Variants in ANKRD26 observed in about 807,000 individuals in gnomAD.
ANKRD26 encodes the protein ankyrin repeat domain-containing protein 26.
In ANKRD26, 141 loss-of-function variants were observed where a neutral mutation model predicts 208.7. That is an observed-to-expected ratio of 0.68 (90% confidence interval 0.59 to 0.78). The LOEUF is 0.78. ANKRD26 is among the 30% of genes least tolerant of loss of function. ANKRD26 has a pLI of 0.00. For synonymous variants in ANKRD26, 636 were observed against 660.4 expected, an observed-to-expected ratio of 0.96 and a Z score of 0.57; for missense variants, 1,889 against 1,938.7, an observed-to-expected ratio of 0.97 and a Z score of 0.48.
chr10:26,988,795 C>T (rs1342712742), downstream of ANKRD26, among the ~76,000 whole-genome samples: 2 of 150,974 alleles, frequency 1.3e-5, no homozygotes, highest in Non-Finnish European at 2.9e-5. Context: ...CCTATAGACC[C>T]AGCATTTGGG....
chr10:26,964,169 A>C, the ANKRD26 span, among the ~76,000 whole-genome samples: 1 of 151,430 alleles, frequency 6.6e-6, no homozygotes, highest in Non-Finnish European at 1.5e-5. Flanking sequence ...TCAACCTCCC[A>C]AAGGGCTGGG....
Position 27,053,320 on chromosome 10 carries a change from C to G in ANKRD26, c.1635G>C (p.Gln545His), listed in dbSNP as rs1037752574. The G allele has an allele frequency of 1.0e-5, 16 of 1,599,702 alleles. No homozygotes were observed. The highest frequency in any genetic ancestry group is 1.4e-5 in the Non-Finnish European group (16 of 1,169,536). ...EREGSENNQP[Q>H]VEEERKKHRN... ...AGAAATTTTTAAAAATATATAATAC[C>G]TGTGGCTGGTTATTTTCACTCCCTT... Residue 545 changes from glutamine to histidine, a missense_variant and splice_region_variant, in exon 16 of 34, where the codon CAG (glutamine) becomes CAC (histidine). Gln to His is a conservative substitution (Grantham distance 24). Around this residue, in one of 3 missense-constraint regions of ANKRD26, gnomAD observed 1,272 missense variants for 1,273.8 expected, o/e 1.00. Transcript: ENST00000376087.
chr10:27,062,203 T>C lies in ANKRD26; in HGVS notation c.1364-961A>G, dbSNP rs991823743. 23 of 981,434 alleles carry C rather than the reference T, an allele frequency of 2.3e-5. No homozygotes were observed. In the Admixed American group the frequency reaches 1.2e-3, roughly 53 times the overall value. 60.8% of individuals were successfully genotyped at this position (981,434 alleles called of 1,614,324 possible). A position where few individuals can be genotyped will look rare whatever the true frequency, so the allele number is the denominator to read the frequency against. On this transcript the variant is annotated intron_variant, in intron 12 of 33. Transcript: ENST00000376087. ...ATTCTCAGCACTTCTTTCCTCTTCA[T>C]TTAACAATAGTTATCTTATATCTAC...
chr10:26,972,274 A>G (rs2052161900), downstream of ANKRD26, among the ~76,000 whole-genome samples: 1 of 151,672 alleles, frequency 6.6e-6, no homozygotes, highest in African/African-American at 2.4e-5. Context: ...CCAAAAAATT[A>G]TTCACTCTGG....
intron 4 of ANKRD26, among the ~76,000 whole-genome samples, chr10:27,089,564 G>A (rs554660239): frequency 1.3e-5 from 2 of 152,348 alleles, no homozygotes; most frequent in African/African-American, 4.8e-5. Flanking sequence ...AGCCAAGGTT[G>A]ATGGATTGCT....
chr10:27,043,698 A>G (rs564388928), intron 19 of ANKRD26, 131 bp from the exon 20 acceptor site: 1 of 907,054 alleles, frequency 1.1e-6, no homozygotes, highest in East Asian at 2.6e-5. Flanking sequence ...TTTTGTTAAA[A>G]GGATTTATTT....
downstream of ANKRD26, among the ~76,000 whole-genome samples, chr10:27,002,281 G>A (rs746679958): frequency 1.2e-4 from 19 of 152,168 alleles, no homozygotes; most frequent in Admixed American, 6.5e-5. Flanking sequence ...CAAGAGGATT[G>A]AACAAATCAG....
chr10:26,964,265 A>G, the ANKRD26 span, among the ~76,000 whole-genome samples: 1 of 152,110 alleles, frequency 6.6e-6, no homozygotes, highest in Non-Finnish European at 1.5e-5. Flanking sequence ...ATGGATGAAG[A>G]AGCCATGGGT....
At chr10:26,961,137 A>G in the ANKRD26 span, among the ~76,000 whole-genome samples, 1 of 151,822 alleles carries the variant, frequency 6.6e-6, no homozygotes, top group Non-Finnish European at 1.5e-5. Flanking sequence ...GAATCGCTTG[A>G]ACCTGGGAGG....
At chr10:27,081,021 A>C in intron 6 of ANKRD26, 6 of 895,084 alleles carry the variant, frequency 6.7e-6, no homozygotes, top group Non-Finnish European at 8.0e-6. Flanking sequence ...TGAGGGGCTC[A>C]AAGCCACCGA....
chr10:27,050,656 C>T (rs1054858309), intron 16 of ANKRD26, among the ~76,000 whole-genome samples: 1 of 152,174 alleles, frequency 6.6e-6, no homozygotes, highest in Admixed American at 6.6e-5. Context: ...TTCTCAGTCA[C>T]TGCTTCTCTC....
chr10:26,962,519 G>A, the ANKRD26 span, among the ~76,000 whole-genome samples: 1 of 152,098 alleles, frequency 6.6e-6, no homozygotes, highest in Non-Finnish European at 1.5e-5. Flanking sequence ...AGGTTGCAGT[G>A]AGCCGAGATC....
intron 15 of ANKRD26, among the ~76,000 whole-genome samples, chr10:27,055,796 A>C (rs1367228086): frequency 1.3e-5 from 2 of 152,148 alleles, no homozygotes; most frequent in African/African-American, 4.8e-5. Context: ...ATAATATCTA[A>C]AGCCATAGAA....
intron 4 of ANKRD26, among the ~76,000 whole-genome samples, chr10:26,995,828 CCA>C (rs2134697675): frequency 6.6e-6 from 1 of 152,156 alleles, no homozygotes; most frequent in African/African-American, 2.4e-5. Context: ...TGTGTCTAAC[CCA>C]AGGAGAATGT....
rs2054387892 is a variant in ANKRD26 at position 27,044,921 on chromosome 10, T to C, written c.1986-731A>G. The stretch of plus-strand genomic sequence containing the variant: ...TTTATTTTCAAGTGTTTTTAAGTGA[T>C]ATGATAGCAGATGAATCTATATTTT... On this transcript the variant is annotated intron_variant, in intron 18 of 33. Coordinates refer to ENST00000376087, the MANE Select transcript of ANKRD26 (RefSeq NM_014915.3). 3.3e-5 allele frequency among the ~76,000 whole-genome samples: 5 copies of C among 152,252 alleles called. No individual in the cohort carries two copies. The South Asian group carries it at 1.0e-3, about 31-fold the overall frequency.
At chr10:27,006,867 A>G (rs1164406860) in intron 33 of ANKRD26, 50 bp downstream of exon 33, 1 of 1,409,826 alleles carries the variant, frequency 7.1e-7, no homozygotes, top group African/African-American at 1.4e-5. Flanking sequence ...AATTTATTTC[A>G]GAAATCAATT....
At chr10:27,055,711 C>T (rs2054815626) in intron 15 of ANKRD26, among the ~76,000 whole-genome samples, 1 of 152,144 alleles carries the variant, frequency 6.6e-6, no homozygotes, top group Admixed American at 6.5e-5. Flanking sequence ...AGGTGACAGA[C>T]TATGTGTACA....
At chr10:27,080,469 T>C (rs1285399348) in intron 6 of ANKRD26, among the ~76,000 whole-genome samples, 1 of 152,188 alleles carries the variant, frequency 6.6e-6, no homozygotes, top group African/African-American at 2.4e-5. Flanking sequence ...ACATTAAAAG[T>C]TATAAAATCC....
chr10:27,053,416 A>G (rs1224813799), intron 15 of ANKRD26, 26 bp from the exon 16 acceptor site: 3 of 1,504,344 alleles, frequency 2.0e-6, no homozygotes, highest in Non-Finnish European at 2.8e-6. Flanking sequence ...TATTTAGTTT[A>G]ATGAACTACT....
Sources: gnomAD v4.1 joint callset for allele counts (sites outside exome capture counted in the v4.1 genomes callset) on GRCh38, gnomAD v4.1.1 for gene constraint, gnomAD v4.1.1 regional missense constraint, MANE v1.5 for transcripts, NCBI Gene and HGNC (gene_info 2026-07-23, HGNC 2026-07-21) for gene names.